The following ESCO1 variants were observed in gnomAD, a reference collection of about 807,000 sequenced individuals.
ESCO1 encodes N-acetyltransferase ESCO1.
In ESCO1, 33 loss-of-function variants were observed where a neutral mutation model predicts 83.5. That is an observed-to-expected ratio of 0.40 (90% CI 0.30 to 0.53). The LOEUF is 0.53. ESCO1 is among the 20% of genes least tolerant of loss of function. The pLI is 0.63. For missense variants in ESCO1, 855 were observed against 968.0 expected, an observed-to-expected ratio of 0.88 and a Z score of 1.55; for synonymous variants, 332 against 324.3, an observed-to-expected ratio of 1.02 and a Z score of -0.25.
intron 10 of ESCO1, 136 bp from the exon 11 acceptor site, chr18:21,532,796 T>C (rs2037784328): frequency 1.4e-6 from 1 of 736,090 alleles, no homozygotes; most frequent in Non-Finnish European, 2.1e-6. Context: ...CTCTCATTTT[T>C]AGGAAACAGA....
intron 2 of ESCO1, among the ~76,000 whole-genome samples, chr18:21,581,077 C>T (rs1281184130): frequency 2.0e-5 from 3 of 151,894 alleles, no homozygotes; most frequent in Non-Finnish European, 2.9e-5. Context: ...TTTGGGAGGC[C>T]GAGGCGGGCT....
At position 21,595,624 on chromosome 18, in the gene ESCO1, C is replaced by T. The variant is rs545120595; in HGVS notation, c.-825+4999G>A. 1.5e-4 allele frequency among the ~76,000 whole-genome samples: 22 copies of T among 149,864 alleles called. No homozygotes were observed. The South Asian group carries it at 1.7e-3, about 11-fold the overall frequency. On this transcript the variant is annotated intron_variant, in intron 1 of 11. Transcript: ENST00000269214. ...CAGAGCTTGCAGTGAGCCAAGATTG[C>T]GCCGCTGCACTCTAGCAGGGGCAAC...
chr18:21,555,170 G>C (rs768306791), intron 8 of ESCO1, among the ~76,000 whole-genome samples: 6 of 152,096 alleles, frequency 3.9e-5, no homozygotes, highest in Non-Finnish European at 5.9e-5. Context: ...CATCAGAAAA[G>C]GCTACATACT....
intron 9 of ESCO1, among the ~76,000 whole-genome samples, chr18:21,536,708 C>T (rs1215857467): frequency 6.6e-6 from 1 of 151,908 alleles, no homozygotes; most frequent in Non-Finnish European, 1.5e-5. Flanking sequence ...CCAAACCCAA[C>T]AGTCTAGAGA....
At chr18:21,563,313 G>C (rs1240385400) in intron 7 of ESCO1, among the ~76,000 whole-genome samples, 2 of 152,062 alleles carry the variant, frequency 1.3e-5, no homozygotes, top group African/African-American at 4.8e-5. Flanking sequence ...ACTGTTACAA[G>C]ACAAAGTCAC....
intron 1 of ESCO1, among the ~76,000 whole-genome samples, chr18:21,594,179 T>C (rs992122507): frequency 6.6e-6 from 1 of 152,186 alleles, no homozygotes; most frequent in Non-Finnish European, 1.5e-5. Context: ...GACCTACTAC[T>C]ATAACAGCAA....
chr18:21,554,989 C>T (rs913368938), intron 8 of ESCO1, among the ~76,000 whole-genome samples: 6 of 151,422 alleles, frequency 4.0e-5, no homozygotes, highest in African/African-American at 9.7e-5. Flanking sequence ...CCAGCTACTC[C>T]GGAGGTTGAG....
At position 21,592,695 on chromosome 18, in the gene ESCO1, ACG is replaced by A. The variant is rs1264428347; in HGVS notation, c.-825+7926_-825+7927del. ...CGGACGGGGCAGCTGCCGGGCGGAG[ACG>A]CTCCTCACTTCCCAGACGGGGTGGC... is the stretch of plus-strand genomic sequence containing the variant. On this transcript the variant is annotated intron_variant, in intron 1 of 11. Transcript: ENST00000269214. Among the ~76,000 whole-genome samples, 15 of 141,466 alleles carry A rather than the reference ACG, an allele frequency of 1.1e-4. 1 individual carries two copies. The East Asian group carries it at 3.1e-3, about 29-fold the overall frequency. 92.8% of individuals were successfully genotyped at this position (141,466 alleles called of 152,430 possible).
chr18:21,585,197 A>G (rs1167394159), intron 1 of ESCO1, among the ~76,000 whole-genome samples: 1 of 151,742 alleles, frequency 6.6e-6, no homozygotes, highest in Non-Finnish European at 1.5e-5. Flanking sequence ...ATCTTATACC[A>G]TATAATACAG....
chr18:21,596,368 C>G (rs1014878286), intron 1 of ESCO1, among the ~76,000 whole-genome samples: 8 of 152,008 alleles, frequency 5.3e-5, no homozygotes, highest in Non-Finnish European at 1.2e-4. Flanking sequence ...CTTAATGCCT[C>G]CTTTTAATTT....
chr18:21,587,202 T>C (rs936716838), intron 1 of ESCO1, among the ~76,000 whole-genome samples: 2 of 152,224 alleles, frequency 1.3e-5, no homozygotes, highest in Non-Finnish European at 2.9e-5. Flanking sequence ...AGTTTTCTTG[T>C]GATGTCTTTG....
chr18:21,568,202 G>C (rs1029560960), intron 4 of ESCO1, 108 bp from the exon 5 acceptor site: 1 of 764,664 alleles, frequency 1.3e-6, no homozygotes, highest in African/African-American at 1.8e-5. Flanking sequence ...TTTATTTGGA[G>C]CAATTAATAC....
chr18:21,572,964 C>CAA lies in ESCO1; in HGVS notation c.1530+348_1530+349dup, dbSNP rs11395206. On this transcript the variant is annotated intron_variant, in intron 4 of 11. Transcript: ENST00000269214. ...GGGGAACAAGGGCGAAACTCCATCTCAAAAAAAAAAAAAGTAGTCCCTAAG... is the reference window on the plus strand; with the variant it reads ...GGGGAACAAGGGCGAAACTCCATCTCAAAAAAAAAAAAAAAGTAGTCCCTAAG... Among the ~76,000 whole-genome samples the CAA allele has an allele frequency of 2.6e-4, 34 of 131,522 alleles. No individual in the cohort carries two copies. In the East Asian group the frequency reaches 4.5e-3, roughly 17 times the overall value. 86.3% of individuals were successfully genotyped at this position (131,522 alleles called of 152,430 possible). A position where few individuals can be genotyped will look rare whatever the true frequency, so the allele number is the denominator to read the frequency against.
chr18:21,566,601 C>CT (rs1357461016), intron 5 of ESCO1, among the ~76,000 whole-genome samples: 1 of 152,204 alleles, frequency 6.6e-6, no homozygotes, highest in Non-Finnish European at 1.5e-5. Flanking sequence ...GGCCTCACAT[C>CT]TGTAATCCCA....
chr18:21,540,119 TTGCAAACATGAAAAATATA>T (rs1370556445), intron 8 of ESCO1, 110 bp from the exon 9 acceptor site: 4 of 1,032,508 alleles, frequency 3.9e-6, no homozygotes, highest in African/African-American at 1.6e-5. Context: ...TGTCTAAAAA[TTGCAAACATGAAAAATATA>T]TGCTCATTAA....
At chr18:21,594,851 A>C (rs1033456309) in intron 1 of ESCO1, among the ~76,000 whole-genome samples, 2 of 151,862 alleles carry the variant, frequency 1.3e-5, no homozygotes, top group African/African-American at 4.8e-5. Flanking sequence ...AGCAACTTTA[A>C]CTTCTTAAAA....
At chr18:21,558,113 GAA>G (rs34334410) in intron 8 of ESCO1, among the ~76,000 whole-genome samples, 2 of 151,542 alleles carry the variant, frequency 1.3e-5, no homozygotes, top group African/African-American at 2.4e-5. Flanking sequence ...GCCCCACCAA[GAA>G]ACTGGGACTA....
intron 1 of ESCO1, among the ~76,000 whole-genome samples, chr18:21,594,912 T>G (rs2038737929): frequency 6.8e-6 from 1 of 147,348 alleles, no homozygotes; most frequent in Admixed American, 7.0e-5. Context: ...TGGGCTAAAA[T>G]AGTCTACAAC....
rs760136484 is a variant in ESCO1, at chr18:21,530,366, T to C, written c.2500A>G (p.Ile834Val). 1.9e-6 allele frequency: 3 copies of C among 1,604,932 alleles called. No individual in the cohort carries two copies. The Admixed American group carries it at 5.2e-5, about 28-fold the overall frequency. ...GTGQFLVYNF[I>V]NGQNST ...TTTTACGTGCTATTCTGTCCATTAA[T>C]AAAATTATATACCAGAAATTGACCA... The change falls in exon 12 of 12, where the codon ATT becomes GTT. Residue 834 changes from isoleucine (I) to valine (V), a missense_variant. By Grantham distance (29) the Ile-to-Val change is conservative. Transcript: ENST00000269214.
Sources: allele counts gnomAD v4.1 joint callset (sites outside exome capture counted in the v4.1 genomes callset), GRCh38; gene constraint gnomAD v4.1.1; transcripts MANE v1.5; gene names NCBI Gene and HGNC (gene_info 2026-07-23, HGNC 2026-07-21).